IL1RAPL2: variants seen among roughly 807,000 people sequenced by gnomAD.
IL1RAPL2 encodes the protein X-linked interleukin-1 receptor accessory protein-like 2.
Under a neutral mutation model 44.1 loss-of-function variants are expected in IL1RAPL2, and 3 were observed. The observed-to-expected ratio is 0.07, with a 90% confidence interval of 0.03 to 0.18. The LOEUF (loss-of-function observed/expected upper bound fraction) is 0.18, where lower values mean the gene tolerates loss of function less well. Among genes scored for constraint, IL1RAPL2 ranks in the 10% least tolerant of loss-of-function variants. IL1RAPL2 has a pLI of 1.00. For synonymous variants in IL1RAPL2, 181 were observed against 178.8 expected, an observed-to-expected ratio of 1.01 and a Z score of -0.10; for missense variants, 391 against 496.4, an observed-to-expected ratio of 0.79 and a Z score of 2.02.
chrX:104,632,719 C>T (rs1214247362), intron 1 of IL1RAPL2, among the ~76,000 whole-genome samples: 15 of 108,286 alleles, frequency 1.4e-4, no homozygotes, highest in East Asian at 1.2e-3. Context: ...CTGAAGTTGC[C>T]TATCAGCTTA....
chrX:105,039,887 A>G (rs978277701), intron 2 of IL1RAPL2, among the ~76,000 whole-genome samples: 2 of 110,646 alleles, frequency 1.8e-5, no homozygotes, highest in African/African-American at 6.6e-5. Flanking sequence ...TCTCCTGCCT[A>G]ATTGCCCTGG....
At chrX:104,881,856 G>A (rs1387805661) in intron 2 of IL1RAPL2, among the ~76,000 whole-genome samples, 1 of 111,840 alleles carries the variant, frequency 8.9e-6, no homozygotes, top group Non-Finnish European at 1.9e-5. Flanking sequence ...AAGGTGGTGA[G>A]AATTTTTTGA....
intron 6 of IL1RAPL2, among the ~76,000 whole-genome samples, chrX:105,559,806 T>A (rs1231275857): frequency 1.8e-5 from 2 of 111,892 alleles, no homozygotes; most frequent in Non-Finnish European, 3.8e-5. Flanking sequence ...ACTGTGTCAG[T>A]GCCACTCTGG....
rs750823642 is a variant in IL1RAPL2 at position 104,908,672 on chromosome X, C to T, written c.82+249677C>T. On this transcript the variant is annotated intron_variant, in intron 2 of 10. Coordinates refer to ENST00000372582, the MANE Select transcript of IL1RAPL2 (RefSeq NM_017416.2). ...CTTGTAGGGTTTCTGCTGAGAGATCCGCTGTTAGTCTGATGGGCTTCCCTT... is the reference window on the plus strand; with the variant it reads ...CTTGTAGGGTTTCTGCTGAGAGATCTGCTGTTAGTCTGATGGGCTTCCCTT... Among the ~76,000 whole-genome samples, 299 of 111,421 alleles carry T rather than the reference C, an allele frequency of 2.7e-3. 2 individuals are homozygous for T. Among genetic ancestry groups the T allele is most frequent in the African/African-American group, 9.1e-3 (278 of 30,659 alleles).
intron 2 of IL1RAPL2, among the ~76,000 whole-genome samples, chrX:104,700,610 A>G (rs1931258833): frequency 1.8e-5 from 2 of 111,882 alleles, no homozygotes; most frequent in Non-Finnish European, 3.8e-5. Context: ...TTCTGTCCAG[A>G]TTGTTGTCTT....
At chrX:105,540,639 A>G (rs1447040710) in intron 6 of IL1RAPL2, among the ~76,000 whole-genome samples, 1 of 105,120 alleles carries the variant, frequency 9.5e-6, no homozygotes, top group Non-Finnish European at 1.9e-5. Context: ...GCTCCGTTGA[A>G]TTTCTGACTC....
chrX:105,416,724 A>C (rs1569437802), intron 5 of IL1RAPL2, among the ~76,000 whole-genome samples: 1 of 111,880 alleles, frequency 8.9e-6, no homozygotes, highest in Non-Finnish European at 1.9e-5. Context: ...TTCCTGTATT[A>C]AAGAGGAAAG....
intron 2 of IL1RAPL2, among the ~76,000 whole-genome samples, chrX:104,799,812 T>C (rs981389631): frequency 6.3e-5 from 7 of 111,699 alleles, no homozygotes; most frequent in African/African-American, 1.3e-4. Flanking sequence ...CAACTTATCA[T>C]TTTTTCAGGG....
intron 2 of IL1RAPL2, among the ~76,000 whole-genome samples, chrX:105,048,840 T>A (rs767593870): frequency 2.7e-5 from 3 of 112,222 alleles, no homozygotes; most frequent in African/African-American, 9.7e-5. Context: ...TCAGTTGCAC[T>A]AACCCCATTT....
At chrX:104,908,907 G>T (rs1478515543) in intron 2 of IL1RAPL2, among the ~76,000 whole-genome samples, 1 of 111,030 alleles carries the variant, frequency 9.0e-6, no homozygotes, top group East Asian at 2.8e-4. Flanking sequence ...CTAGATTGGG[G>T]AAGTTCTCCT....
chrX:104,674,595 A>G (rs952422768), intron 2 of IL1RAPL2, among the ~76,000 whole-genome samples: 3 of 111,121 alleles, frequency 2.7e-5, no homozygotes, highest in Non-Finnish European at 3.8e-5. Context: ...TTGGTATCAG[A>G]ATTATGCTGG....
intron 2 of IL1RAPL2, among the ~76,000 whole-genome samples, chrX:104,979,998 T>C (rs1281879767): frequency 8.9e-6 from 1 of 112,062 alleles, no homozygotes; most frequent in Non-Finnish European, 1.9e-5. Flanking sequence ...ACAGATATAC[T>C]TGTGTATGCA....
At chrX:105,429,729 AAAC>A (rs2035835083) in intron 5 of IL1RAPL2, among the ~76,000 whole-genome samples, 1 of 111,961 alleles carries the variant, frequency 8.9e-6, no homozygotes, top group Non-Finnish European at 1.9e-5. Flanking sequence ...TGTAGCATGA[AAAC>A]AACAATAGAC....
intron 6 of IL1RAPL2, among the ~76,000 whole-genome samples, chrX:105,640,691 T>TATAC (rs1205790339): frequency 5.1e-4 from 39 of 76,025 alleles, no homozygotes; most frequent in East Asian, 3.5e-3. Flanking sequence ...TATATATATA[T>TATAC]ACACACACAT....
intron 5 of IL1RAPL2, among the ~76,000 whole-genome samples, chrX:105,343,756 G>T (rs1479879526): frequency 8.9e-6 from 1 of 112,151 alleles, no homozygotes; most frequent in East Asian, 2.8e-4. Context: ...TATAGTGTGT[G>T]CCTGGAAAGA....
chrX:105,675,261 A>G (rs993239399), intron 6 of IL1RAPL2, among the ~76,000 whole-genome samples: 2 of 111,332 alleles, frequency 1.8e-5, no homozygotes, highest in African/African-American at 6.5e-5. Flanking sequence ...GAATGTTTCC[A>G]GGTTTTGCCC....
chrX:105,029,011 T>A (rs554848460), intron 2 of IL1RAPL2, among the ~76,000 whole-genome samples: 2 of 109,611 alleles, frequency 1.8e-5, no homozygotes, highest in South Asian at 7.7e-4. Flanking sequence ...AATAAAGCTG[T>A]TCAAGATCTG....
At chrX:105,428,201 G>C (rs1297350432) in intron 5 of IL1RAPL2, among the ~76,000 whole-genome samples, 1 of 111,336 alleles carries the variant, frequency 9.0e-6, no homozygotes, top group Non-Finnish European at 1.9e-5. Context: ...AAAGGCCTAA[G>C]ATTTCTTACA....
At chrX:105,341,719 C>A (rs1258837152) in intron 5 of IL1RAPL2, among the ~76,000 whole-genome samples, 2 of 111,379 alleles carry the variant, frequency 1.8e-5, no homozygotes, top group Non-Finnish European at 3.8e-5. Context: ...ATCACGAGGT[C>A]AGGAGATCGA....
Sources: gnomAD v4.1 joint callset for allele counts (sites outside exome capture counted in the v4.1 genomes callset) on GRCh38, gnomAD v4.1.1 for gene constraint, MANE v1.5 for transcripts, NCBI Gene and HGNC (gene_info 2026-07-23, HGNC 2026-07-21) for gene names.